ADD2: variants seen among roughly 807,000 people sequenced by gnomAD.
ADD2 encodes the protein adducin 2.
In ADD2, 23 loss-of-function variants were observed where a neutral mutation model predicts 83.0. The observed-to-expected ratio is 0.28, with a 90% CI of 0.20 to 0.39. The LOEUF is 0.39. Ranked by LOEUF, ADD2 falls within the 10% of genes least tolerant of loss-of-function variation. The pLI, the probability that ADD2 is intolerant of heterozygous loss-of-function variation, is 1.00. For missense variants in ADD2, 758 were observed against 944.9 expected (o/e 0.80, Z 2.59); for synonymous variants, 375 against 375.4 (o/e 1.00, Z 0.01).
Position 70,676,508 on chromosome 2 carries a change from G to A in ADD2, c.1593+288C>T. 1 of 1,377,186 alleles carries A rather than the reference G, an allele frequency of 7.3e-7. No individual in the cohort carries two copies. The highest frequency in any genetic ancestry group is 9.4e-7 in the Non-Finnish European group (1 of 1,062,280). 85.3% of individuals were successfully genotyped at this position (1,377,186 alleles called of 1,614,324 possible). On this transcript the variant is annotated intron_variant, in intron 13 of 15. Coordinates refer to ENST00000264436, the MANE Select transcript of ADD2 (RefSeq NM_001617.4). The surrounding 1 kb of genome is among the most constrained non-coding windows in gnomAD (Gnocchi z 4.8). ...TCACGGGGTAGTAAGGGAGGACAGA[G>A]TGGAGTTCCATGGCAGGAGGTACGG...
Position 70,683,593 on chromosome 2 carries a change from G to A in ADD2, c.1123C>T (p.Leu375=). The change falls in exon 10 of 16, where the codon CTG becomes TTG. Residue 375 remains leucine, a splice_region_variant and synonymous_variant. Coordinates refer to ENST00000264436, the MANE Select transcript of ADD2 (RefSeq NM_001617.4). Reference sequence around the variant, plus strand: ...AAGGGCAATGGCAGGAGACTCACCAGGTTGTCCAGCATCCTCATGAGGGCC... The same window carrying A: ...AAGGGCAATGGCAGGAGACTCACCAAGTTGTCCAGCATCCTCATGAGGGCC... ...FEALMRMLDN[L]GYRTGYTYRH... is the part of the protein sequence containing the mutation. 1.2e-6 allele frequency: 2 copies of A among 1,611,160 alleles called. No homozygotes were observed. The highest frequency in any genetic ancestry group is 1.7e-6 in the Non-Finnish European group (2 of 1,177,794).
At chr2:70,729,755 AC>A (rs1253301165) in intron 1 of ADD2, among the ~76,000 whole-genome samples, 1 of 152,128 alleles carries the variant, frequency 6.6e-6, no homozygotes, top group African/African-American at 2.4e-5. Context: ...CTTTCTAAAT[AC>A]CCCCTTGGAC....
intron 1 of ADD2, among the ~76,000 whole-genome samples, chr2:70,748,434 C>T (rs567915804): frequency 3.2e-4 from 48 of 152,192 alleles, no homozygotes; most frequent in African/African-American, 8.4e-4. Context: ...GCCTCTCTGA[C>T]CACTTAAGGT....
chr2:70,736,315 T>A (rs374990239), intron 1 of ADD2, among the ~76,000 whole-genome samples: 1 of 152,160 alleles, frequency 6.6e-6, no homozygotes, highest in East Asian at 1.9e-4. Context: ...GTCCTAATCA[T>A]CAAGTAGTGT....
Position 70,720,467 on chromosome 2 carries a change from C to T in ADD2, c.-153-7283G>A, listed in dbSNP as rs1672680976. ...TGGCAAAAATAGGAGAGATGTTGTT[C>T]GACTGTCCACTCCTCTCCCCGATGA... is the stretch of plus-strand genomic sequence containing the variant. On this transcript the variant is annotated intron_variant, in intron 1 of 15. Transcript: ENST00000264436. Among the ~76,000 whole-genome samples the T allele has an allele frequency of 2.6e-5, 4 of 152,124 alleles. No homozygotes were observed. In the South Asian group the frequency reaches 8.3e-4, roughly 32 times the overall value.
In ADD2 at chr2:70,688,067, G is replaced by A; in HGVS notation, c.905C>T (p.Ala302Val). Residue 302 changes from alanine to valine, a missense_variant, in exon 9 of 16, where the codon GCA (alanine) becomes GTA (valine). Physicochemically the swap from Ala to Val is moderately conservative, Grantham distance 64 (BLOSUM62 0). Coordinates refer to ENST00000264436, the MANE Select transcript of ADD2 (RefSeq NM_001617.4). ...VVALGDTVEE[A>V]FYKIFHLQAA... Reference sequence around the variant, plus strand: ...CTGCAGGTGGAAGATCTTGTAAAATGCCTCCTCTACCGTGTCACCCAGAGC... The same window carrying A: ...CTGCAGGTGGAAGATCTTGTAAAATACCTCCTCTACCGTGTCACCCAGAGC... The A allele has an allele frequency of 6.2e-7, 1 of 1,614,154 alleles. No homozygotes were observed. Among genetic ancestry groups the A allele is most frequent in the Non-Finnish European group, 8.5e-7 (1 of 1,180,004 alleles).
Position 70,678,836 on chromosome 2 carries a change from G to C in ADD2, c.1251C>G (p.Pro417=). Residue 417 remains proline, a synonymous_variant, in exon 11 of 16, where the codon CCC becomes CCG. Transcript: ENST00000264436. ...GCTTCTGGGCATGCTGTCGCAGGGC[G>C]GGCACCGGGGCACCGTCCTCCTCAA... ...FVFEEDGAPV[P]ALRQHAQKQQ... 6.2e-7 allele frequency: 1 copy of C among 1,614,052 alleles called. No homozygotes were observed. The highest frequency in any genetic ancestry group is 2.2e-5 in the East Asian group (1 of 44,886).
At chr2:70,683,867 G>C in intron 9 of ADD2, 100 bp from the exon 10 acceptor site, 1 of 1,333,836 alleles carries the variant, frequency 7.5e-7, no homozygotes, top group Non-Finnish European at 9.9e-7. Context: ...GTCCAGAGGA[G>C]AACTTAGAGG....
chr2:70,673,204 G>A, intron 14 of ADD2, 198 bp from the exon 15 acceptor site: 1 of 1,606,214 alleles, frequency 6.2e-7, no homozygotes, highest in Non-Finnish European at 8.5e-7. Context: ...CAATGGGAGA[G>A]GGTGGAGTCA....
At chr2:70,669,507 C>T (rs1669812808) in intron 15 of ADD2, among the ~76,000 whole-genome samples, 1 of 152,218 alleles carries the variant, frequency 6.6e-6, no homozygotes, top group Non-Finnish European at 1.5e-5. Context: ...TAAATGGATG[C>T]AGTGGACTCT....
At chr2:70,718,390 G>C (rs1672575363) in intron 1 of ADD2, among the ~76,000 whole-genome samples, 1 of 152,136 alleles carries the variant, frequency 6.6e-6, no homozygotes, top group Non-Finnish European at 1.5e-5. Flanking sequence ...AGTCATGTTC[G>C]TATTCCTGAA....
chr2:70,720,249 T>A (rs572895349), intron 1 of ADD2, among the ~76,000 whole-genome samples: 1 of 152,098 alleles, frequency 6.6e-6, no homozygotes, highest in South Asian at 2.1e-4. Context: ...TCGGGAGTGC[T>A]GGTGTGGAGG....
chr2:70,728,305 G>T lies in ADD2; in HGVS notation c.-153-15121C>A, dbSNP rs370811440. Reference sequence around the variant, plus strand: ...GTACCTGTCTGCCAGGATCTGGGCCGGGCTCCAGTGTGACAGAGTCGGGAA... The same window carrying T: ...GTACCTGTCTGCCAGGATCTGGGCCTGGCTCCAGTGTGACAGAGTCGGGAA... On this transcript the variant is annotated intron_variant, in intron 1 of 15. Transcript: ENST00000264436. Among the ~76,000 whole-genome samples, 12 of 152,316 alleles carry T rather than the reference G, an allele frequency of 7.9e-5. No individual in the cohort carries two copies. In the East Asian group the frequency reaches 2.1e-3, roughly 27 times the overall value.
intron 15 of ADD2, among the ~76,000 whole-genome samples, chr2:70,664,750 GGT>G (rs1173964867): frequency 4.8e-5 from 6 of 124,174 alleles, no homozygotes; most frequent in Non-Finnish European, 1.1e-4. Flanking sequence ...TGTGTGTGTG[GGT>G]GTGTGAGGGT....
Position 70,678,729 on chromosome 2 carries a change from A to G in ADD2, c.1358T>C (p.Met453Thr). The G allele has an allele frequency of 6.3e-7, 1 of 1,582,618 alleles. No individual in the cohort carries two copies. The highest frequency in any genetic ancestry group is 8.6e-7 in the Non-Finnish European group (1 of 1,162,340). ...CGTGGTCTTGGGTCGGGGGCTGCCC[A>G]TGCTCCTCTGGACCTCATCGGCCAC... Reference protein sequence around the residue: ...VNVADEVQRSMGSPRPKTTWM... With the variant: ...VNVADEVQRSTGSPRPKTTWM... The change falls in exon 11 of 16, where the codon ATG becomes ACG. Residue 453 changes from methionine (M) to threonine (T), a missense_variant. By Grantham distance (81) the Met-to-Thr change is moderately conservative. Coordinates refer to ENST00000264436, the MANE Select transcript of ADD2 (RefSeq NM_001617.4).
At chr2:70,752,609 G>A (rs538357875) in intron 1 of ADD2, among the ~76,000 whole-genome samples, 1 of 152,252 alleles carries the variant, frequency 6.6e-6, no homozygotes, top group East Asian at 1.9e-4. Flanking sequence ...GAGAAACCAA[G>A]GACAACTCCA....
At chr2:70,742,682 T>C (rs1459632017) in intron 1 of ADD2, among the ~76,000 whole-genome samples, 1 of 152,176 alleles carries the variant, frequency 6.6e-6, no homozygotes, top group Non-Finnish European at 1.5e-5. Flanking sequence ...CAAAGTACTG[T>C]AGCCATTATC....
At chr2:70,765,755 A>C (rs1675349973) in intron 1 of ADD2, among the ~76,000 whole-genome samples, 1 of 152,218 alleles carries the variant, frequency 6.6e-6, no homozygotes, top group Non-Finnish European at 1.5e-5. Context: ...CCATTGTAGA[A>C]GGTCTCATGC....
chr2:70,746,305 G>A (rs528709261), intron 1 of ADD2, among the ~76,000 whole-genome samples: 5 of 152,218 alleles, frequency 3.3e-5, no homozygotes, highest in Admixed American at 1.3e-4. Context: ...TAAATCTCTC[G>A]AATAGTTCTC....
Sources: gnomAD v4.1 joint callset for allele counts (sites outside exome capture counted in the v4.1 genomes callset) on GRCh38, gnomAD v4.1.1 for gene constraint, Gnocchi (gnomAD v3.1) non-coding constraint, MANE v1.5 for transcripts, NCBI Gene and HGNC (gene_info 2026-07-23, HGNC 2026-07-21) for gene names.